Variants in KCNU1 observed in about 807,000 individuals in gnomAD.
KCNU1 encodes potassium channel subfamily U member 1.
Under a neutral mutation model 126.8 loss-of-function variants are expected in KCNU1, and 93 were observed. That is an observed-to-expected ratio of 0.73 (90% CI 0.62 to 0.87). The LOEUF (loss-of-function observed/expected upper bound fraction) is 0.87, where lower values mean the gene tolerates loss of function less well. Among genes scored for constraint, KCNU1 ranks in the 40% least tolerant of loss-of-function variants. The probability of loss-of-function intolerance (pLI) is 0.00; values close to 1 mark genes in which losing one functional copy is unlikely to be tolerated. For synonymous variants in KCNU1, 523 were observed against 494.2 expected (o/e 1.06, Z -0.77); for missense variants, 1,330 against 1,367.1 (o/e 0.97, Z 0.43).
At chr8:36,834,382 T>C (rs1460848414) in intron 11 of KCNU1, among the ~76,000 whole-genome samples, 1 of 152,210 alleles carries the variant, frequency 6.6e-6, no homozygotes, top group Non-Finnish European at 1.5e-5. Context: ...TAACTGCTTA[T>C]TAGAGCCAAG....
chr8:36,905,666 C>A, intron 19 of KCNU1, 42 bp from the exon 20 acceptor site: 1 of 1,053,550 alleles, frequency 9.5e-7, no homozygotes, highest in Non-Finnish European at 1.5e-6. Context: ...TACAGAGGAG[C>A]TCCAAATAGT....
chr8:36,904,003 T>C (rs1170390212), intron 19 of KCNU1, among the ~76,000 whole-genome samples: 2 of 152,122 alleles, frequency 1.3e-5, no homozygotes, highest in Non-Finnish European at 2.9e-5. Flanking sequence ...TTATGAGAAC[T>C]ACCGTTCAAG....
chr8:36,816,454 G>A (rs1036021358), intron 9 of KCNU1, among the ~76,000 whole-genome samples: 2 of 152,144 alleles, frequency 1.3e-5, no homozygotes, highest in Non-Finnish European at 2.9e-5. Context: ...CCTGAAAGCA[G>A]TCTCTTAATA....
chr8:36,832,032 G>A lies in KCNU1; in HGVS notation c.1107-1522G>A, dbSNP rs989120598. 3.3e-5 allele frequency among the ~76,000 whole-genome samples: 5 copies of A among 152,118 alleles called. No individual in the cohort carries two copies. In the East Asian group the frequency reaches 5.8e-4, roughly 18 times the overall value. The stretch of plus-strand genomic sequence containing the variant: ...TTAAATAGGGAATCCTTTTTCCATT[G>A]CTTGTTTTTCTCAGGTTTGTCAAAG... On this transcript the variant is annotated intron_variant, in intron 10 of 26. Transcript: ENST00000399881.
chr8:36,873,924 G>A (rs1362795270), intron 19 of KCNU1, among the ~76,000 whole-genome samples: 1 of 151,734 alleles, frequency 6.6e-6, no homozygotes, highest in Non-Finnish European at 1.5e-5. Context: ...ACAACAACAG[G>A]AGAAAAAAAA....
At chr8:36,860,839 ATGAGT>A in intron 18 of KCNU1, among the ~76,000 whole-genome samples, 1 of 152,238 alleles carries the variant, frequency 6.6e-6, no homozygotes. Flanking sequence ...ATGACAAGAA[ATGAGT>A]TGAGTAGGTG....
chr8:36,827,752 C>T (rs1352808578), intron 10 of KCNU1, among the ~76,000 whole-genome samples: 1 of 152,072 alleles, frequency 6.6e-6, no homozygotes, highest in African/African-American at 2.4e-5. Context: ...ATACTGAATC[C>T]AAAGTGTTCT....
chr8:36,803,020 G>T (rs1456258998), intron 2 of KCNU1, among the ~76,000 whole-genome samples: 1 of 152,104 alleles, frequency 6.6e-6, no homozygotes, highest in Non-Finnish European at 1.5e-5. Context: ...CCAGAGAGCC[G>T]CAGGGTGTGA....
At chr8:36,800,938 C>A (rs1215124531) in intron 2 of KCNU1, among the ~76,000 whole-genome samples, 1 of 152,182 alleles carries the variant, frequency 6.6e-6, no homozygotes, top group Non-Finnish European at 1.5e-5. Context: ...GAGTGTGCAG[C>A]AAGGTGCTTC....
At chr8:36,926,125 C>T (rs1808522765) in intron 24 of KCNU1, among the ~76,000 whole-genome samples, 1 of 152,174 alleles carries the variant, frequency 6.6e-6, no homozygotes, top group Admixed American at 6.6e-5. Flanking sequence ...AAGGAATTCA[C>T]TAAGTGCATT....
At chr8:36,868,698 GT>G (rs1424807284) in intron 19 of KCNU1, among the ~76,000 whole-genome samples, 3 of 152,044 alleles carry the variant, frequency 2.0e-5, no homozygotes, top group Non-Finnish European at 2.9e-5. Context: ...CAGTTATGTT[GT>G]CAGGCTAGCA....
At chr8:36,831,699 T>C (rs559841388) in intron 10 of KCNU1, among the ~76,000 whole-genome samples, 2 of 148,584 alleles carry the variant, frequency 1.3e-5, no homozygotes, top group South Asian at 4.4e-4. Context: ...TTTTCTCCCA[T>C]TTTGTAGGTT....
chr8:36,834,726 A>T, intron 11 of KCNU1, 60 bp from the exon 12 acceptor site: 6 of 1,062,976 alleles, frequency 5.6e-6, no homozygotes, highest in Non-Finnish European at 8.5e-6. Flanking sequence ...CCGAAAGGGG[A>T]AGACCAGAGC....
chr8:36,837,326 TA>T (rs1260290894), intron 14 of KCNU1, among the ~76,000 whole-genome samples: 2 of 152,182 alleles, frequency 1.3e-5, no homozygotes, highest in Non-Finnish European at 2.9e-5. Context: ...CAATATAAAT[TA>T]AATCCAAAAT....
chr8:36,800,794 G>C (rs1170939263), intron 2 of KCNU1, among the ~76,000 whole-genome samples: 2 of 152,242 alleles, frequency 1.3e-5, no homozygotes, highest in East Asian at 3.8e-4. Context: ...GAGTTGGTAA[G>C]AATGACTGAC....
At position 36,836,897 on chromosome 8, in the gene KCNU1, AG is replaced by A. The variant is rs1291636810; in HGVS notation, c.1472del (p.Gly491AlafsTer6). 1.2e-6 allele frequency: 2 copies of A among 1,613,888 alleles called. No homozygotes were observed. Among genetic ancestry groups the A allele is most frequent in the Admixed American group, 3.3e-5 (2 of 60,010 alleles). On this transcript the variant is annotated frameshift_variant, in exon 14 of 27. Coordinates refer to ENST00000399881, the MANE Select transcript of KCNU1 (RefSeq NM_001031836.3). LOFTEE classifies it high-confidence loss of function. ...GFIAQGCLVP[G>X]LCTFLTSLFV... ...TTATCGCCCAAGGCTGTTTGGTGCC[AG>A]GCTTGTGTACCTTCCTAACATCTCT...
intron 4 of KCNU1, 65 bp downstream of exon 4, chr8:36,805,350 A>G (rs1039651382): frequency 1.0e-6 from 1 of 963,096 alleles, no homozygotes; most frequent in African/African-American, 1.6e-5. Flanking sequence ...CAGAGAACTA[A>G]CTGTGTCTCA....
At chr8:36,935,067 G>T (rs1808812766) in intron 26 of KCNU1, among the ~76,000 whole-genome samples, 1 of 152,098 alleles carries the variant, frequency 6.6e-6, no homozygotes, top group Admixed American at 6.6e-5. Flanking sequence ...TCATCTTTCT[G>T]TTGACAAAGC....
At chr8:36,839,911 ATTTCTCTGGAAACCTACT>A (rs1167545373) in intron 14 of KCNU1, among the ~76,000 whole-genome samples, 1 of 152,024 alleles carries the variant, frequency 6.6e-6, no homozygotes, top group Admixed American at 6.6e-5. Context: ...CACATCTCCC[ATTTCTCTGGAAACCTACT>A]TTTTGCCTTG....
Sources: allele counts gnomAD v4.1 joint callset (sites outside exome capture counted in the v4.1 genomes callset), GRCh38; gene constraint gnomAD v4.1.1; transcripts MANE v1.5; gene names NCBI Gene and HGNC (gene_info 2026-07-23, HGNC 2026-07-21).